Variants in COL5A3 observed in about 807,000 individuals in gnomAD.
The protein encoded by COL5A3 is collagen alpha-3(V) chain.
COL5A3 carries 172 observed loss-of-function variants against 250.0 expected under a neutral mutation model. The observed-to-expected ratio is 0.69, with a 90% CI of 0.61 to 0.78. The LOEUF (loss-of-function observed/expected upper bound fraction) is 0.78. Among genes scored for constraint, COL5A3 ranks in the 30% least tolerant of loss-of-function variants. COL5A3 has a pLI of 0.00. For missense variants in COL5A3, 2,340 were observed against 2,334.4 expected, an observed-to-expected ratio of 1.00 and a Z score of -0.05; for synonymous variants, 937 against 900.4, an observed-to-expected ratio of 1.04 and a Z score of -0.73.
At position 9,970,086 on chromosome 19, in the gene COL5A3, G is replaced by A. The variant is rs112526101; in HGVS notation, c.3937-164C>T. Among the ~76,000 whole-genome samples the A allele has an allele frequency of 5.1e-3, 295 of 57,424 alleles. 10 individuals are homozygous for A. Among genetic ancestry groups the A allele is most frequent in the African/African-American group, 8.0e-3 (69 of 8,592 alleles). 37.7% of individuals were successfully genotyped at this position (57,424 alleles called of 152,430 possible). ...GTGAGTGGGGGCTGTGGGTGAGTGG[G>A]GGCTGTGGCTGAGTGGAGGCTGTGG... On this transcript the variant is annotated intron_variant, in intron 54 of 66. Transcript: ENST00000264828.
intron 11 of COL5A3, chr19:9,996,930 C>A: frequency 5.5e-6 from 3 of 550,242 alleles, no homozygotes; most frequent in African/African-American, 2.0e-5. Flanking sequence ...AGGATGGGGG[C>A]AGATGGAGAG....
intron 8 of COL5A3, among the ~76,000 whole-genome samples, chr19:9,999,024 T>A (rs186293318): frequency 0.041 from 4,853 of 117,202 alleles, 282 homozygotes; most frequent in African/African-American, 0.16. Context: ...CTTTCTTTCT[T>A]TCTCTTTCTT....
In COL5A3 at chr19:9,960,429, G is replaced by C; in HGVS notation, c.5220C>G (p.Pro1740=). ...GACACTCTCAGCTGCTGAAGCAGAC[G>C]GGGCCCAGTTCAAACCCAAACTTTT... ...TNQKFGFELG[P]VCFSS is the part of the protein sequence containing the mutation. The change falls in exon 67 of 67, where the codon CCC becomes CCG. Residue 1740 remains proline, a synonymous_variant. Transcript: ENST00000264828. 5 of 1,614,158 alleles carry C rather than the reference G, an allele frequency of 3.1e-6. No individual in the cohort carries two copies. Among genetic ancestry groups the C allele is most frequent in the Non-Finnish European group, 1.7e-6 (2 of 1,180,022 alleles).
Position 10,001,577 on chromosome 19 carries a change from G to A in COL5A3, c.1057C>T (p.Pro353Ser). Residue 353 changes from proline (P) to serine (S), a missense_variant, in exon 8 of 67, where the codon CCT becomes TCT. Around this residue, in one of 3 missense-constraint regions of COL5A3, gnomAD observed 1,152 missense variants for 1,146.3 expected, o/e 1.00. Coordinates refer to ENST00000264828, the MANE Select transcript of COL5A3 (RefSeq NM_015719.4). Reference protein sequence around the residue: ...DEEGDDSTMGPDFRAAEYPSR... With the variant: ...DEEGDDSTMGSDFRAAEYPSR... ...GGATATTCTGCTGCCCGGAAGTCAG[G>A]GCCCATGGTGGAATCATCTCCTTCT... The A allele has an allele frequency of 6.2e-7, 1 of 1,614,050 alleles. No homozygotes were observed. The highest frequency in any genetic ancestry group is 8.5e-7 in the Non-Finnish European group (1 of 1,180,008).
rs1178908326 is a variant in COL5A3 at position 10,005,967 on chromosome 19, T to C, written c.266A>G (p.Asn89Ser). ...CCGCAAGGTGATCAGCAAGGAGAAGTTCTCAGGAAAGTGGCCTTCTGGGTG... is the reference window on the plus strand; with the variant it reads ...CCGCAAGGTGATCAGCAAGGAGAAGCTCTCAGGAAAGTGGCCTTCTGGGTG... ...ELFPEGHFPENFSLLITLRGQ... is the reference protein window; with the variant it reads ...ELFPEGHFPESFSLLITLRGQ... Residue 89 changes from asparagine (N) to serine (S), a missense_variant, in exon 3 of 67, where the codon AAC (asparagine) becomes AGC (serine). Transcript: ENST00000264828. 1.9e-6 allele frequency: 3 copies of C among 1,613,500 alleles called. No individual in the cohort carries two copies. Among genetic ancestry groups the C allele is most frequent in the African/African-American group, 2.7e-5 (2 of 74,988 alleles).
At position 9,968,014 on chromosome 19, in the gene COL5A3, C is replaced by T. The variant is rs1407978330; in HGVS notation, c.4368+12G>A. 6.3e-7 allele frequency: 1 copy of T among 1,594,582 alleles called. No individual in the cohort carries two copies. Among genetic ancestry groups the T allele is most frequent in the African/African-American group, 1.4e-5 (1 of 73,788 alleles). ...GTGACCTCATCCCACAAAAGATTCCCTGCATACTCACCGCCACACCTGGGG... is the reference window on the plus strand; with the variant it reads ...GTGACCTCATCCCACAAAAGATTCCTTGCATACTCACCGCCACACCTGGGG... On this transcript the variant is annotated intron_variant, in intron 60 of 66. Coordinates refer to ENST00000264828, the MANE Select transcript of COL5A3 (RefSeq NM_015719.4). The surrounding 1 kb of genome is among the most constrained non-coding windows in gnomAD (Gnocchi z 4.1).
intron 33 of COL5A3, 36 bp from the exon 34 acceptor site, chr19:9,980,895 G>C (rs1322059816): frequency 7.5e-6 from 12 of 1,589,588 alleles, no homozygotes; most frequent in Non-Finnish European, 1.0e-5. Context: ...CAGATATGAG[G>C]GGGTGGGGGA....
rs1424935166 is a variant in COL5A3 at position 9,981,189 on chromosome 19, G to A, written c.2461-57C>T. 45 of 1,534,554 alleles carry A rather than the reference G, an allele frequency of 2.9e-5. 1 individual carries two copies. Among genetic ancestry groups the A allele is most frequent in the East Asian group, 2.0e-4 (9 of 44,542 alleles). ...GAGAGTTAGGGTGCAAAGGTATGAC[G>A]CAAACACAAAAAGACACCCAGTCAC... On this transcript the variant is annotated intron_variant, in intron 32 of 66. Coordinates refer to ENST00000264828, the MANE Select transcript of COL5A3 (RefSeq NM_015719.4).
In COL5A3 at chr19:9,973,796, A is replaced by C. The variant is rs775585122; in HGVS notation, c.3572T>G (p.Leu1191Arg). 1 of 1,613,996 alleles carries C rather than the reference A, an allele frequency of 6.2e-7. No homozygotes were observed. Among genetic ancestry groups the C allele is most frequent in the Non-Finnish European group, 8.5e-7 (1 of 1,179,948 alleles). Reference protein sequence around the residue: ...GPTGSEGTPGLPGGVGQPGAV... With the variant: ...GPTGSEGTPGRPGGVGQPGAV... ...GCCTGGCTGACCAACTCCTCCAGGC[A>C]GCCCTGGAGTGCCCTGGAGAGACAG... Residue 1191 changes from leucine to arginine, a missense_variant, in exon 49 of 67, where the codon CTG (leucine) becomes CGG (arginine). Physicochemically the swap from Leu to Arg is moderately radical, Grantham distance 102. Transcript: ENST00000264828.
At position 9,969,681 on chromosome 19, in the gene COL5A3, C is replaced by T. The variant is rs2086801578; in HGVS notation, c.3992G>A (p.Gly1331Glu). 1.3e-6 allele frequency: 2 copies of T among 1,587,604 alleles called. No homozygotes were observed. Among genetic ancestry groups the T allele is most frequent in the Non-Finnish European group, 1.7e-6 (2 of 1,172,560 alleles). Residue 1331 changes from glycine to glutamate, a missense_variant and splice_region_variant, in exon 56 of 67, where the codon GGG (glycine) becomes GAG (glutamate). Coordinates refer to ENST00000264828, the MANE Select transcript of COL5A3 (RefSeq NM_015719.4). Reference protein sequence around the residue: ...EGREGEKGAKGEPGPDGPPGR... With the variant: ...EGREGEKGAKEEPGPDGPPGR... ...TGGGGGCCCATCAGGACCTGGCTCCCCCTGAAATGGACACAGGCAAGGGAG... is the reference window on the plus strand; with the variant it reads ...TGGGGGCCCATCAGGACCTGGCTCCTCCTGAAATGGACACAGGCAAGGGAG...
rs984625102 is a variant in COL5A3, at chr19:10,003,966, T to C, written c.699+75A>G. 3.2e-6 allele frequency: 4 copies of C among 1,249,006 alleles called. No individual in the cohort carries two copies. In the African/African-American group the frequency reaches 5.9e-5, roughly 18 times the overall value. 77.4% of individuals were successfully genotyped at this position (1,249,006 alleles called of 1,614,324 possible). A position where few individuals can be genotyped will look rare whatever the true frequency, so the allele number is the denominator to read the frequency against. On this transcript the variant is annotated intron_variant, in intron 5 of 66. Transcript: ENST00000264828. ...CCATGTCTGGGGGATGAGAATTCAC[T>C]CTTTCTAGGGATCTGGAGCCAGGAA...
intron 64 of COL5A3, among the ~76,000 whole-genome samples, chr19:9,963,505 C>T (rs542906675): frequency 1.9e-4 from 28 of 143,942 alleles, no homozygotes; most frequent in African/African-American, 7.0e-4. Context: ...AATCCTCTGA[C>T]CTCAGCCTCC....
chr19:9,960,317 C>A lies in COL5A3; in HGVS notation c.*94G>T. 1 of 1,472,442 alleles carries A rather than the reference C, an allele frequency of 6.8e-7. No individual in the cohort carries two copies. The highest frequency in any genetic ancestry group is 1.2e-5 in the South Asian group (1 of 84,840). 91.2% of individuals were successfully genotyped at this position (1,472,442 alleles called of 1,614,324 possible). ...AGTCACATCCCATTGGCTCCATAGT[C>A]ACAGGTAACGAAAAATACGGTGGCT... On this transcript the variant is annotated 3_prime_UTR_variant, in exon 67 of 67. Coordinates refer to ENST00000264828, the MANE Select transcript of COL5A3 (RefSeq NM_015719.4).
rs1014709073 is a variant in COL5A3 at position 9,996,699 on chromosome 19, G to C, written c.1264-10C>G. 4 of 1,595,704 alleles carry C rather than the reference G, an allele frequency of 2.5e-6. No individual in the cohort carries two copies. In the African/African-American group the frequency reaches 4.1e-5, roughly 16 times the overall value. On this transcript the variant is annotated splice_polypyrimidine_tract_variant and intron_variant, in intron 11 of 66. Transcript: ENST00000264828. ...GGAGGCCAGCAGGGCCCTGAGAGAG[G>C]GATGGGGGAAGAGAGGTGGAGACAG...
In COL5A3 at chr19:9,969,940, G is replaced by A. The variant is rs2086804512; in HGVS notation, c.3937-18C>T. On this transcript the variant is annotated intron_variant, in intron 54 of 66. Transcript: ENST00000264828. ...GAAGGACCCTTGGAAGGGAAAGACA[G>A]TGAGGGGGGTCTAGGGGCTGACTGA... 1 of 1,558,206 alleles carries A rather than the reference G, an allele frequency of 6.4e-7. No individual in the cohort carries two copies. Among genetic ancestry groups the A allele is most frequent in the African/African-American group, 1.8e-5 (1 of 56,856 alleles).
At chr19:9,997,347 T>C (rs753065424) in intron 11 of COL5A3, 24 bp downstream of exon 11, 1 of 1,582,576 alleles carries the variant, frequency 6.3e-7, no homozygotes, top group Non-Finnish European at 8.7e-7. Context: ...CTGAGAAGTG[T>C]ACACCCCAGT....
rs769134698 is a variant in COL5A3 at position 9,968,672 on chromosome 19, T to C, written c.4206+3A>G. On this transcript the variant is annotated splice_donor_region_variant and intron_variant, in intron 58 of 66. Transcript: ENST00000264828. This position sits in a 1 kb window ranked among gnomAD's most constrained non-coding sequence, Gnocchi z 4.1. ...GAAGAGAATAATGGAATGATGTCCT[T>C]ACCTTTTCCCCCTTGGGGCCAGTGT... The C allele has an allele frequency of 1.2e-6, 2 of 1,607,546 alleles. No individual in the cohort carries two copies. The highest frequency in any genetic ancestry group is 2.2e-5 in the South Asian group (2 of 89,742).
rs1265690610 is a variant in COL5A3, at chr19:9,966,760, A to G, written c.4459-14T>C. ...GGCAGGGGCACCCTGGGCGTAGGGG[A>G]TGGGGACGGAGAAGAGAGGGGAGAT... On this transcript the variant is annotated splice_polypyrimidine_tract_variant and intron_variant, in intron 62 of 66. Coordinates refer to ENST00000264828, the MANE Select transcript of COL5A3 (RefSeq NM_015719.4). The G allele has an allele frequency of 6.6e-6, 10 of 1,511,592 alleles. No individual in the cohort carries two copies. Among genetic ancestry groups the G allele is most frequent in the Non-Finnish European group, 8.0e-6 (9 of 1,128,220 alleles). 93.6% of individuals were successfully genotyped at this position (1,511,592 alleles called of 1,614,324 possible). A position where few individuals can be genotyped will look rare whatever the true frequency, so the allele number is the denominator to read the frequency against.
intron 62 of COL5A3, 104 bp downstream of exon 62, chr19:9,967,242 TG>T: frequency 1.3e-6 from 1 of 768,118 alleles, no homozygotes; most frequent in Non-Finnish European, 1.9e-6. Context: ...AGTGTGTGCC[TG>T]GCCCAGTGCT....
Sources: allele counts gnomAD v4.1 joint callset (sites outside exome capture counted in the v4.1 genomes callset), GRCh38; gene constraint gnomAD v4.1.1; regional missense constraint gnomAD v4.1.1; non-coding constraint Gnocchi (gnomAD v3.1); transcripts MANE v1.5; gene names NCBI Gene and HGNC (gene_info 2026-07-23, HGNC 2026-07-21).